The following ZNF106 variants were observed in gnomAD, a reference collection of about 807,000 sequenced individuals.
The protein encoded by ZNF106 is zinc finger protein 106.
ZNF106 carries 67 observed loss-of-function variants against 195.1 expected under a neutral mutation model. The ratio of observed to expected loss-of-function variants is 0.34; its 90% CI spans 0.28 to 0.42. The LOEUF (loss-of-function observed/expected upper bound fraction) is 0.42. ZNF106 is among the 10% of genes least tolerant of loss of function. ZNF106 has a pLI of 1.00. For synonymous variants in ZNF106, 784 were observed against 818.6 expected, an observed-to-expected ratio of 0.96 and a Z score of 0.72; for missense variants, 2,118 against 2,304.5, an observed-to-expected ratio of 0.92 and a Z score of 1.66.
rs1301060923 is a variant in ZNF106 at position 42,451,940 on chromosome 15, G to A, written c.332C>T (p.Ser111Phe). ...RKEQSRQDEP[S>F]NSNQEINSDD... ...AGAGTTTATTTCTTGGTTGCTATTG[G>A]AAGGTTCATCTTGTCTGGAAGAAAA... Residue 111 changes from serine (S) to phenylalanine (F), a missense_variant, in exon 5 of 22, where the codon TCC (serine) becomes TTC (phenylalanine). Transcript: ENST00000564754. The A allele has an allele frequency of 1.9e-6, 3 of 1,610,064 alleles. No individual in the cohort carries two copies. The highest frequency in any genetic ancestry group is 2.5e-6 in the Non-Finnish European group (3 of 1,178,236).
intron 16 of ZNF106, 33 bp downstream of exon 16, chr15:42,424,801 C>T (rs759210674): frequency 6.3e-7 from 1 of 1,595,160 alleles, no homozygotes; most frequent in Admixed American, 1.7e-5. Context: ...CTATTTGTGC[C>T]AGACAACTCC....
rs970514180 is a variant in ZNF106, at chr15:42,416,969, C to G, written c.*335G>C. 1 of 193,196 alleles carries G rather than the reference C, an allele frequency of 5.2e-6. No homozygotes were observed. Among genetic ancestry groups the G allele is most frequent in the African/African-American group, 2.3e-5 (1 of 42,836 alleles). 12.0% of individuals were successfully genotyped at this position (193,196 alleles called of 1,614,324 possible). A position where few individuals can be genotyped will look rare whatever the true frequency, so the allele number is the denominator to read the frequency against. On this transcript the variant is annotated 3_prime_UTR_variant, in exon 22 of 22. Transcript: ENST00000564754. ...TGCAAACTGAAATCAATAAAATATA[C>G]ATATGATTAGGGTCAAACTGGGTAA...
intron 7 of ZNF106, 109 bp downstream of exon 7, chr15:42,446,480 G>C: frequency 1.2e-6 from 1 of 800,584 alleles, no homozygotes; most frequent in Non-Finnish European, 2.1e-6. Context: ...GGGAGGCTGA[G>C]AGAAGAGGAT....
chr15:42,424,310 G>C (rs1309343392), intron 16 of ZNF106: 4 of 460,432 alleles, frequency 8.7e-6, no homozygotes, highest in Admixed American at 3.8e-5. Context: ...GCCTAGAAGG[G>C]CATTCGAGTA....
At chr15:42,430,804 AT>A (rs959022973) in intron 14 of ZNF106, among the ~76,000 whole-genome samples, 3 of 150,996 alleles carry the variant, frequency 2.0e-5, no homozygotes, top group South Asian at 2.1e-4. Flanking sequence ...TATGCTTACA[AT>A]TTTTTTTTAC....
At chr15:42,472,145 A>G in intron 2 of ZNF106, 91 bp downstream of exon 2, 2 of 1,203,572 alleles carry the variant, frequency 1.7e-6, no homozygotes, top group East Asian at 2.7e-5. Flanking sequence ...TATTAATAAC[A>G]TATGTCTATT....
At chr15:42,446,810 C>A in intron 6 of ZNF106, 152 bp from the exon 7 acceptor site, 1 of 672,404 alleles carries the variant, frequency 1.5e-6, no homozygotes, top group Non-Finnish European at 2.4e-6. Context: ...CACGTGGTAC[C>A]AACGCAAACT....
Position 42,416,297 on chromosome 15 carries a change from C to T in ZNF106, c.*1007G>A, listed in dbSNP as rs1194229112. On this transcript the variant is annotated 3_prime_UTR_variant, in exon 22 of 22. Transcript: ENST00000564754. ...GTATTCAGATGCTTTATTCTAACCC[C>T]CTCTCCCCCACCATCTTAGTTGCTG... The T allele has an allele frequency of 6.6e-6, 1 of 152,318 alleles. No individual in the cohort carries two copies. Among genetic ancestry groups the T allele is most frequent in the African/African-American group, 2.4e-5 (1 of 41,432 alleles). 9.4% of individuals were successfully genotyped at this position (152,318 alleles called of 1,614,324 possible). A position where few individuals can be genotyped will look rare whatever the true frequency, so the allele number is the denominator to read the frequency against.
At chr15:42,437,466 C>A in intron 12 of ZNF106, 89 bp from the exon 13 acceptor site, 1 of 1,464,360 alleles carries the variant, frequency 6.8e-7, no homozygotes, top group Non-Finnish European at 9.1e-7. Context: ...TACAGTAGTC[C>A]CTAGATTAAA....
chr15:42,474,514 C>T (rs977795107), intron 1 of ZNF106, among the ~76,000 whole-genome samples: 1 of 152,036 alleles, frequency 6.6e-6, no homozygotes, highest in East Asian at 1.9e-4. Flanking sequence ...ATCACAGCAC[C>T]TTGGGAGGCT....
Position 42,450,543 on chromosome 15 carries a change from TAAG to T in ZNF106, c.1726_1728del (p.Leu576del). 2 of 1,614,224 alleles carry T rather than the reference TAAG, an allele frequency of 1.2e-6. No homozygotes were observed. Among genetic ancestry groups the T allele is most frequent in the Admixed American group, 1.7e-5 (1 of 60,022 alleles). ...TAGTTCCTGGTACTTTTAGAAGTGCTAAGAAGTGGATTTTGCAATGACTCATGA... is the reference window on the plus strand; with the variant it reads ...TAGTTCCTGGTACTTTTAGAAGTGCTAAGTGGATTTTGCAATGACTCATGA... On this transcript the variant is annotated inframe_deletion, in exon 5 of 22. Transcript: ENST00000564754.
chr15:42,417,327 C>T lies in ZNF106; in HGVS notation c.5698G>A (p.Asp1900Asn), dbSNP rs2141247682. ...AAGHIERHAE[D>N]DSKIDS is the part of the protein sequence containing the mutation. ...CTTCATGAATCAATTTTGCTGTCAT[C>T]TTCAGCATGTCGTTCAATATGTCCT... Residue 1900 changes from aspartate to asparagine, a missense_variant, in exon 22 of 22, where the codon GAT becomes AAT. By Grantham distance (23) the Asp-to-Asn change is conservative. Coordinates refer to ENST00000564754, the MANE Select transcript of ZNF106 (RefSeq NM_001366845.3). 2.5e-6 allele frequency: 4 copies of T among 1,614,118 alleles called. No individual in the cohort carries two copies. The East Asian group carries it at 8.9e-5, about 36-fold the overall frequency.
At chr15:42,427,282 A>T (rs1345620957) in intron 15 of ZNF106, among the ~76,000 whole-genome samples, 1 of 152,206 alleles carries the variant, frequency 6.6e-6, no homozygotes, top group Non-Finnish European at 1.5e-5. Context: ...CTTTTTCTAA[A>T]ATATAATGGG....
At position 42,428,006 on chromosome 15, in the gene ZNF106, C is replaced by G. The variant is rs1036925168; in HGVS notation, c.4998+12G>C. 32 of 1,608,744 alleles carry G rather than the reference C, an allele frequency of 2.0e-5. No individual in the cohort carries two copies. The highest frequency in any genetic ancestry group is 2.6e-5 in the Non-Finnish European group (31 of 1,175,356). Reference sequence around the variant, plus strand: ...GCATGGGAAGTAAGCCTTTTCTCCTCCAACCACTAACCTTTATGTTGAAGG... The same window carrying G: ...GCATGGGAAGTAAGCCTTTTCTCCTGCAACCACTAACCTTTATGTTGAAGG... On this transcript the variant is annotated intron_variant, in intron 15 of 21. Transcript: ENST00000564754.
At chr15:42,442,517 AATAAGT>A in intron 9 of ZNF106, 103 bp from the exon 10 acceptor site, 5 of 945,390 alleles carry the variant, frequency 5.3e-6, no homozygotes, top group Non-Finnish European at 7.7e-6. Flanking sequence ...AAGAATTATA[AATAAGT>A]ATATTAGTAT....
chr15:42,472,202 A>T (rs1390616765), intron 2 of ZNF106, 34 bp downstream of exon 2: 1 of 1,526,626 alleles, frequency 6.6e-7, no homozygotes, highest in East Asian at 2.5e-5. Flanking sequence ...AAAAATAGTC[A>T]TAAAGCCTCA....
intron 7 of ZNF106, among the ~76,000 whole-genome samples, chr15:42,445,558 TC>T (rs1008522212): frequency 6.6e-6 from 1 of 152,200 alleles, no homozygotes; most frequent in African/African-American, 2.4e-5. Context: ...CCAGGACCTC[TC>T]CCTTAAGCTC....
intron 2 of ZNF106, among the ~76,000 whole-genome samples, chr15:42,468,998 C>T (rs2056598772): frequency 6.6e-6 from 1 of 152,016 alleles, no homozygotes; most frequent in Non-Finnish European, 1.5e-5. Context: ...ACCAGCCTGA[C>T]CAACATGGTG....
At chr15:42,423,945 C>G (rs1280980410) in intron 17 of ZNF106, 53 bp downstream of exon 17, 2 of 1,528,636 alleles carry the variant, frequency 1.3e-6, no homozygotes, top group Admixed American at 2.1e-5. Flanking sequence ...AACCATCAAG[C>G]TTTAACCATT....
Sources: gnomAD v4.1 joint callset for allele counts (sites outside exome capture counted in the v4.1 genomes callset) on GRCh38, gnomAD v4.1.1 for gene constraint, MANE v1.5 for transcripts, NCBI Gene and HGNC (gene_info 2026-07-23, HGNC 2026-07-21) for gene names.